Variants in CCDC158 observed in about 807,000 individuals in gnomAD.
The protein encoded by CCDC158 is coiled-coil domain-containing protein 158.
Under a neutral mutation model 138.6 loss-of-function variants are expected in CCDC158, and 116 were observed. That is an observed-to-expected ratio of 0.84 (90% CI 0.72 to 0.98). The LOEUF (loss-of-function observed/expected upper bound fraction) is 0.98, where lower values mean the gene tolerates loss of function less well. CCDC158 is among the 50% of genes least tolerant of loss of function. The pLI, the probability that CCDC158 is intolerant of heterozygous loss-of-function variation, is 0.00. For missense variants in CCDC158, 1,265 were observed against 1,306.1 expected, an observed-to-expected ratio of 0.97 and a Z score of 0.48; for synonymous variants, 436 against 442.4, an observed-to-expected ratio of 0.99 and a Z score of 0.18.
intron 9 of CCDC158, among the ~76,000 whole-genome samples, chr4:76,371,820 C>T (rs1303367643): frequency 6.6e-6 from 1 of 152,032 alleles, no homozygotes; most frequent in East Asian, 1.9e-4. Context: ...CGCCTGTAAT[C>T]CCAGCTACTT....
chr4:76,362,138 T>A lies in CCDC158; in HGVS notation c.2008A>T (p.Asn670Tyr). 1 of 1,613,582 alleles carries A rather than the reference T, an allele frequency of 6.2e-7. No homozygotes were observed. Among genetic ancestry groups the A allele is most frequent in the Non-Finnish European group, 8.5e-7 (1 of 1,179,816 alleles). ...TGAAGCAACATACCTGAAAGATTGT[T>A]TAATTCACTCCTACTTGTTTTCACC... ...NEVKTSRSELNNLSEEYEVLK... is the reference protein window; with the variant it reads ...NEVKTSRSELYNLSEEYEVLK... Residue 670 changes from asparagine to tyrosine, a missense_variant, in exon 13 of 25, where the codon AAC (asparagine) becomes TAC (tyrosine). Physicochemically the swap from Asn to Tyr is moderately radical, Grantham distance 143 (BLOSUM62 -2). Transcript: ENST00000682701.
chr4:76,403,061 T>C (rs369763455), intron 3 of CCDC158, 77 bp downstream of exon 3: 8 of 984,086 alleles, frequency 8.1e-6, no homozygotes, highest in Middle Eastern at 4.2e-4. Context: ...AAATAAAACA[T>C]ACTAGAAACA....
chr4:76,406,706 A>C (rs1034616867), intron 2 of CCDC158, among the ~76,000 whole-genome samples: 2 of 152,148 alleles, frequency 1.3e-5, no homozygotes, highest in African/African-American at 4.8e-5. Context: ...CTACCTGGAA[A>C]TTAAAAGGCC....
intron 11 of CCDC158, among the ~76,000 whole-genome samples, chr4:76,368,197 G>T (rs1724881902): frequency 6.6e-6 from 1 of 152,100 alleles, no homozygotes; most frequent in Non-Finnish European, 1.5e-5. Flanking sequence ...TTTCCTCTGT[G>T]GATGTTTTCT....
At chr4:76,355,255 C>G in intron 15 of CCDC158, 69 bp downstream of exon 15, 2 of 989,272 alleles carry the variant, frequency 2.0e-6, no homozygotes, top group South Asian at 2.6e-5. Flanking sequence ...TCTGCTTCAT[C>G]TTATTCTGCC....
chr4:76,332,301 GT>G, intron 20 of CCDC158, 130 bp downstream of exon 20: 1 of 659,696 alleles, frequency 1.5e-6, no homozygotes, highest in Non-Finnish European at 2.6e-6. Flanking sequence ...CTTAAAGTCA[GT>G]TAAACAACGA....
At chr4:76,334,640 A>G (rs1408325277) in intron 18 of CCDC158, among the ~76,000 whole-genome samples, 1 of 152,214 alleles carries the variant, frequency 6.6e-6, no homozygotes, top group Non-Finnish European at 1.5e-5. Flanking sequence ...AATATTTTCA[A>G]ACTGTGTTAG....
chr4:76,397,657 A>C lies in CCDC158; in HGVS notation c.71-1171T>G, dbSNP rs1727948717. On this transcript the variant is annotated intron_variant, in intron 3 of 24. Coordinates refer to ENST00000682701, the MANE Select transcript of CCDC158 (RefSeq NM_001394954.1). ...GAATAAATGTACTGAAGTCTTTGGAAATTAGTGTTTTCACTGTAGGAAAGA... is the reference window on the plus strand; with the variant it reads ...GAATAAATGTACTGAAGTCTTTGGACATTAGTGTTTTCACTGTAGGAAAGA... Among the ~76,000 whole-genome samples the C allele has an allele frequency of 2.6e-5, 4 of 152,340 alleles. No homozygotes were observed. In the South Asian group the frequency reaches 8.3e-4, roughly 32 times the overall value.
chr4:76,391,661 A>G (rs1183872704), intron 4 of CCDC158, among the ~76,000 whole-genome samples: 2 of 151,978 alleles, frequency 1.3e-5, no homozygotes, highest in Non-Finnish European at 2.9e-5. Context: ...AATTAGTACA[A>G]GAAAAGAAAT....
chr4:76,421,177 G>C (rs553238507), upstream of CCDC158, among the ~76,000 whole-genome samples: 1,712 of 152,018 alleles, frequency 0.011, 38 homozygotes, highest in African/African-American at 0.038. Flanking sequence ...TGTGGCGCTC[G>C]GGGCGCTGCC....
At chr4:76,382,949 T>C (rs944499353) in intron 7 of CCDC158, among the ~76,000 whole-genome samples, 1 of 152,216 alleles carries the variant, frequency 6.6e-6, no homozygotes, top group East Asian at 1.9e-4. Context: ...TTTACAATGG[T>C]AATAAATTGC....
At chr4:76,334,470 T>C (rs1401298753) in intron 18 of CCDC158, among the ~76,000 whole-genome samples, 1 of 152,180 alleles carries the variant, frequency 6.6e-6, no homozygotes. Context: ...ATCCTTACTA[T>C]GTCATTAAAT....
intron 9 of CCDC158, among the ~76,000 whole-genome samples, chr4:76,378,937 G>A (rs1475960079): frequency 6.6e-6 from 1 of 152,156 alleles, no homozygotes; most frequent in Non-Finnish European, 1.5e-5. Context: ...AAGTAAGAGA[G>A]GAGGTAGGCC....
intron 8 of CCDC158, among the ~76,000 whole-genome samples, chr4:76,381,947 C>T (rs894000543): frequency 1.3e-5 from 2 of 152,162 alleles, no homozygotes; most frequent in Non-Finnish European, 2.9e-5. Context: ...TCCCAAAGTG[C>T]TGGGAATATA....
rs116531843 is a variant in CCDC158 at position 76,342,928 on chromosome 4, T to C, written c.2664+8068A>G. 9.8e-4 allele frequency among the ~76,000 whole-genome samples: 149 copies of C among 152,250 alleles called. 1 individual carries two copies. Among genetic ancestry groups the C allele is most frequent in the African/African-American group, 3.3e-3 (138 of 41,542 alleles). ...GAAACAGGGCAGCAAAATTGGAGGA[T>C]TGGCTAAGTCTATAGGAGAAGCTGT... On this transcript the variant is annotated intron_variant, in intron 18 of 24. Coordinates refer to ENST00000682701, the MANE Select transcript of CCDC158 (RefSeq NM_001394954.1).
At chr4:76,369,648 T>C (rs1452013120) in intron 10 of CCDC158, 25 bp from the exon 11 acceptor site, 1 of 1,587,842 alleles carries the variant, frequency 6.3e-7, no homozygotes, top group Admixed American at 1.7e-5. Context: ...GAATGCTTTT[T>C]TCCTCCCTGC....
intron 18 of CCDC158, among the ~76,000 whole-genome samples, chr4:76,335,203 T>G (rs561250043): frequency 3.9e-5 from 6 of 152,314 alleles, no homozygotes; most frequent in Admixed American, 3.9e-4. Context: ...CTTTGTCAAT[T>G]GTGAATAAAA....
chr4:76,353,645 G>A (rs1466935383), intron 15 of CCDC158, among the ~76,000 whole-genome samples: 1 of 152,126 alleles, frequency 6.6e-6, no homozygotes, highest in Admixed American at 6.5e-5. Context: ...TTTAAAAGAT[G>A]CATTACTTGA....
chr4:76,328,819 C>T lies in CCDC158; in HGVS notation c.3010+81G>A, dbSNP rs140657458. On this transcript the variant is annotated intron_variant, in intron 22 of 24. Transcript: ENST00000682701. ...AGAGTTAAAAAGGACTTGGAAGATA[C>T]TGCAATGACTTTGGCTTTTACCCTC... 759 of 1,068,220 alleles carry T rather than the reference C, an allele frequency of 7.1e-4. 4 individuals carry two copies. The African/African-American group carries it at 9.8e-3, about 14-fold the overall frequency. 66.2% of individuals were successfully genotyped at this position (1,068,220 alleles called of 1,614,324 possible). A position where few individuals can be genotyped will look rare whatever the true frequency, so the allele number is the denominator to read the frequency against.
Sources: gnomAD v4.1 joint callset for allele counts (sites outside exome capture counted in the v4.1 genomes callset) on GRCh38, gnomAD v4.1.1 for gene constraint, MANE v1.5 for transcripts, NCBI Gene and HGNC (gene_info 2026-07-23, HGNC 2026-07-21) for gene names.